The following CHD9 variants were observed in gnomAD, a reference collection of about 807,000 sequenced individuals.
CHD9 encodes ATP-dependent chromatin remodeler CHD9.
CHD9 carries 77 observed loss-of-function variants against 316.1 expected under a neutral mutation model. The observed-to-expected ratio is 0.24, with a 90% CI of 0.20 to 0.29. The LOEUF is 0.29. Among genes scored for constraint, CHD9 ranks in the 10% least tolerant of loss-of-function variants. CHD9 has a pLI of 1.00. For missense variants in CHD9, 2,763 were observed against 3,438.1 expected (o/e 0.80, Z 4.91); for synonymous variants, 1,129 against 1,158.3 (o/e 0.97, Z 0.51).
chr16:53,183,648 T>C (rs1350567620), intron 2 of CHD9, among the ~76,000 whole-genome samples: 7 of 152,176 alleles, frequency 4.6e-5, no homozygotes, highest in Non-Finnish European at 8.8e-5. Flanking sequence ...GTACAGTGAC[T>C]CATGCCTTTA....
intron 31 of CHD9, among the ~76,000 whole-genome samples, chr16:53,305,329 G>GGGATTACAGGCATAAGCCACCACACC: frequency 6.6e-6 from 1 of 152,196 alleles, no homozygotes; most frequent in Non-Finnish European, 1.5e-5. Flanking sequence ...CCAAAGTGCT[G>GGGATTACAGGCATAAGCCACCACACC]GGATTACAGG....
At chr16:53,213,472 T>C (rs2046492057) in intron 3 of CHD9, among the ~76,000 whole-genome samples, 1 of 152,154 alleles carries the variant, frequency 6.6e-6, no homozygotes, top group African/African-American at 2.4e-5. Flanking sequence ...GATGGATGGA[T>C]GGATGGAAAG....
intron 8 of CHD9, 133 bp downstream of exon 8, chr16:53,229,233 T>C (rs1280375184): frequency 8.0e-6 from 4 of 502,698 alleles, no homozygotes; most frequent in African/African-American, 5.8e-5. Flanking sequence ...TACCTAAATA[T>C]AGTATTTTTC....
chr16:53,238,661 T>C, intron 12 of CHD9, 75 bp downstream of exon 12: 4 of 1,450,106 alleles, frequency 2.8e-6, no homozygotes, highest in Non-Finnish European at 3.8e-6. Context: ...ACCAATTATT[T>C]TCAAATTTAG....
intron 1 of CHD9, among the ~76,000 whole-genome samples, chr16:53,116,411 TAC>T (rs929308795): frequency 6.6e-6 from 1 of 152,168 alleles, no homozygotes; most frequent in Non-Finnish European, 1.5e-5. Context: ...TGCCAAATAG[TAC>T]ACACTCTGCA....
chr16:53,222,099 T>C (rs1181016933), intron 3 of CHD9, among the ~76,000 whole-genome samples: 1 of 152,078 alleles, frequency 6.6e-6, no homozygotes, highest in Non-Finnish European at 1.5e-5. Flanking sequence ...TTCATTGAGA[T>C]GGAGTTTCGC....
In CHD9 at chr16:53,235,280, C is replaced by A. The variant is rs1314874482; in HGVS notation, c.2607C>A (p.Asn869Lys). 3.2e-6 allele frequency: 5 copies of A among 1,548,282 alleles called. No individual in the cohort carries two copies. In the African/African-American group the frequency reaches 5.5e-5, roughly 17 times the overall value. ...GGGAATATCAACTGGAAGGACTCAA[C>A]TGGCTCTTGTTCAATTGGTACAATA... ...QLREYQLEGL[N>K]WLLFNWYNRR... The change falls in exon 11 of 39, where the codon AAC (asparagine) becomes AAA (lysine). Residue 869 changes from asparagine (N) to lysine (K), a missense_variant. Around this residue, in one of 15 missense-constraint regions of CHD9, gnomAD observed 186 missense variants for 245.0 expected, o/e 0.76. Transcript: ENST00000447540.
intron 2 of CHD9, among the ~76,000 whole-genome samples, chr16:53,193,401 A>G (rs1021907536): frequency 2.0e-5 from 3 of 152,072 alleles, no homozygotes; most frequent in African/African-American, 7.2e-5. Flanking sequence ...GTGAGCCGAG[A>G]TCACGCCACT....
At chr16:53,058,782 C>T (rs1398029477) in intron 1 of CHD9, among the ~76,000 whole-genome samples, 2 of 152,170 alleles carry the variant, frequency 1.3e-5, no homozygotes, top group Admixed American at 1.3e-4. Flanking sequence ...AGCAACACCC[C>T]CCACCCTCCA....
At position 53,156,260 on chromosome 16, in the gene CHD9, A is replaced by G. The variant is rs1439732420; in HGVS notation, c.171A>G (p.Gln57=). The G allele has an allele frequency of 6.2e-7, 1 of 1,613,898 alleles. No individual in the cohort carries two copies. Among genetic ancestry groups the G allele is most frequent in the African/African-American group, 1.3e-5 (1 of 74,948 alleles). The change falls in exon 2 of 39, where the codon CAA becomes CAG. Residue 57 remains glutamine, a synonymous_variant. Coordinates refer to ENST00000447540, the MANE Select transcript of CHD9 (RefSeq NM_001308319.2). ...ACATAGATTCACTGAACCATGTTCAAGGTACTCCAACACATCAGAAGATGA... is the reference window on the plus strand; with the variant it reads ...ACATAGATTCACTGAACCATGTTCAGGGTACTCCAACACATCAGAAGATGA... ...PLHIDSLNHV[Q]GTPTHQKMTD...
chr16:53,177,935 A>G (rs572896053), intron 2 of CHD9, among the ~76,000 whole-genome samples: 6 of 152,290 alleles, frequency 3.9e-5, no homozygotes, highest in East Asian at 1.9e-4. Context: ...ATGAATACAC[A>G]TGAACTTCTC....
intron 20 of CHD9, among the ~76,000 whole-genome samples, chr16:53,264,273 G>A (rs2051432686): frequency 6.6e-6 from 1 of 151,990 alleles, no homozygotes; most frequent in Non-Finnish European, 1.5e-5. Flanking sequence ...AATATTTAAT[G>A]CACTCAGGAA....
chr16:53,103,049 G>C (rs1225486539), intron 1 of CHD9, among the ~76,000 whole-genome samples: 1 of 151,422 alleles, frequency 6.6e-6, no homozygotes, highest in South Asian at 2.1e-4. Flanking sequence ...GTTTCACCAT[G>C]TTAGCCAGGA....
At chr16:53,098,202 G>T (rs372788672) in intron 1 of CHD9, among the ~76,000 whole-genome samples, 7 of 149,946 alleles carry the variant, frequency 4.7e-5, no homozygotes, top group South Asian at 4.2e-4. Flanking sequence ...GCAGACAGGC[G>T]TGGTGGCTTA....
chr16:53,316,964 C>T (rs1490045107), intron 36 of CHD9, among the ~76,000 whole-genome samples: 2 of 151,894 alleles, frequency 1.3e-5, no homozygotes, highest in East Asian at 1.9e-4. Context: ...TTTGCGAGGC[C>T]GAGGCGGGCA....
At chr16:53,262,561 A>G (rs149995402) in intron 19 of CHD9, among the ~76,000 whole-genome samples, 50 of 152,134 alleles carry the variant, frequency 3.3e-4, no homozygotes, top group African/African-American at 1.2e-3. Context: ...CCTTTAGGAG[A>G]TATTACTATC....
intron 2 of CHD9, chr16:53,208,209 T>G: frequency 8.6e-7 from 1 of 1,157,890 alleles, no homozygotes; most frequent in Non-Finnish European, 1.1e-6. Flanking sequence ...CATCTCTTGG[T>G]TGCAGCTTGC....
Position 53,304,064 on chromosome 16 carries a change from C to A in CHD9, c.6058C>A (p.Gln2020Lys). The A allele has an allele frequency of 6.2e-7, 1 of 1,614,028 alleles. No individual in the cohort carries two copies. The highest frequency in any genetic ancestry group is 8.5e-7 in the Non-Finnish European group (1 of 1,179,882). Reference protein sequence around the residue: ...RTSTPLLQQYQVALSASPLTS... With the variant: ...RTSTPLLQQYKVALSASPLTS... ...TTCTACCCCACTTCTACAGCAATAT[C>A]AAGTAGCACTTTCTGCTTCTCCTCT... The change falls in exon 31 of 39, where the codon CAA becomes AAA. Residue 2020 changes from glutamine (Q) to lysine (K), a missense_variant. Gln to Lys is a moderately conservative substitution (Grantham distance 53). Around this residue, in one of 15 missense-constraint regions of CHD9, gnomAD observed 663 missense variants for 751.2 expected, o/e 0.88. Coordinates refer to ENST00000447540, the MANE Select transcript of CHD9 (RefSeq NM_001308319.2).
At chr16:53,228,084 C>CA (rs903752891) in intron 7 of CHD9, among the ~76,000 whole-genome samples, 108 of 125,588 alleles carry the variant, frequency 8.6e-4, no homozygotes, top group African/African-American at 1.3e-3. Flanking sequence ...GACTCCGTCT[C>CA]AAAAAAAAAA....
Sources: allele counts gnomAD v4.1 joint callset (sites outside exome capture counted in the v4.1 genomes callset), GRCh38; gene constraint gnomAD v4.1.1; regional missense constraint gnomAD v4.1.1; transcripts MANE v1.5; gene names NCBI Gene and HGNC (gene_info 2026-07-23, HGNC 2026-07-21).